SUSD5: variants seen among roughly 807,000 people sequenced by gnomAD.
The protein encoded by SUSD5 is sushi domain containing 5.
A neutral mutation model predicts 29.5 loss-of-function variants in SUSD5; 33 were observed. That is an observed-to-expected ratio of 1.12 (90% confidence interval 0.85 to 1.49). The LOEUF (loss-of-function observed/expected upper bound fraction) is 1.49, where lower values mean the gene tolerates loss of function less well. SUSD5 is among the 40% of genes most tolerant of loss of function. The pLI is 0.00. For synonymous variants in SUSD5, 308 were observed against 325.3 expected (o/e 0.95, Z 0.57); for missense variants, 776 against 800.6 (o/e 0.97, Z 0.37).
intron 4 of SUSD5, among the ~76,000 whole-genome samples, chr3:33,171,062 C>A (rs1261916259): frequency 2.0e-5 from 3 of 152,200 alleles, no homozygotes; most frequent in Non-Finnish European, 4.4e-5. Context: ...GTACTATGGG[C>A]CGGGTGCAGT....
In SUSD5 at chr3:33,167,212, A is replaced by AT. The variant is rs1447369847; in HGVS notation, c.598+7673_598+7674insA. 6.6e-6 allele frequency among the ~76,000 whole-genome samples: 1 copy of AT among 151,166 alleles called. No homozygotes were observed. The highest frequency in any genetic ancestry group is 1.5e-5 in the Non-Finnish European group (1 of 67,870). On this transcript the variant is annotated intron_variant, in intron 4 of 4. Transcript: ENST00000309558. The surrounding 1 kb of genome is among the most constrained non-coding windows in gnomAD (Gnocchi z 4.1). The stretch of plus-strand genomic sequence containing the variant: ...TATATATATATATAAATATATATAT[A>AT]AAACATAAAGTCAAAAGGCACCTGG...
chr3:33,198,457 G>A (rs2032038677), intron 3 of SUSD5, among the ~76,000 whole-genome samples: 1 of 152,160 alleles, frequency 6.6e-6, no homozygotes, highest in South Asian at 2.1e-4. Flanking sequence ...TAAACATGGG[G>A]CCTGGTGGAC....
chr3:33,160,410 T>A (rs942418534), intron 4 of SUSD5, among the ~76,000 whole-genome samples: 22 of 142,654 alleles, frequency 1.5e-4, no homozygotes, highest in Admixed American at 9.8e-4. Flanking sequence ...AAAAAAAAAA[T>A]TGGGTGTGGT....
rs544200910 is a variant in SUSD5, at chr3:33,167,366, T to A, written c.598+7520A>T. On this transcript the variant is annotated intron_variant, in intron 4 of 4. Coordinates refer to ENST00000309558, the MANE Select transcript of SUSD5 (RefSeq NM_015551.2). The surrounding 1 kb of genome is among the most constrained non-coding windows in gnomAD (Gnocchi z 4.1). ...GCTCACCCTGGCTGTGGCCTTGACC[T>A]GGACACTTACAGTCTGAACTATGTG... Among the ~76,000 whole-genome samples the A allele has an allele frequency of 5.9e-5, 9 of 152,242 alleles. No individual in the cohort carries two copies. Among genetic ancestry groups the A allele is most frequent in the African/African-American group, 2.2e-4 (9 of 41,554 alleles).
At chr3:33,168,736 G>A (rs998046815) in intron 4 of SUSD5, 1 of 252,978 alleles carries the variant, frequency 4.0e-6, no homozygotes, top group Non-Finnish European at 6.2e-6. Flanking sequence ...TGTATCCTCC[G>A]CCTCCTGGGT....
chr3:33,211,643 TA>T (rs1340260814), intron 2 of SUSD5, among the ~76,000 whole-genome samples: 10 of 152,206 alleles, frequency 6.6e-5, no homozygotes, highest in Admixed American at 4.6e-4. Context: ...CCAGACATCT[TA>T]GGATCATCAT....
intron 2 of SUSD5, among the ~76,000 whole-genome samples, chr3:33,211,145 TG>T (rs2032314905): frequency 6.6e-6 from 1 of 152,204 alleles, no homozygotes; most frequent in South Asian, 2.1e-4. Context: ...CTGCCCGCCG[TG>T]GCCTCCCAAA....
At position 33,215,485 on chromosome 3, in the gene SUSD5, G is replaced by A. The variant is rs560841446; in HGVS notation, c.113-1380C>T. Among the ~76,000 whole-genome samples, 7 of 152,254 alleles carry A rather than the reference G, an allele frequency of 4.6e-5. No homozygotes were observed. The South Asian group carries it at 1.2e-3, about 27-fold the overall frequency. The stretch of plus-strand genomic sequence containing the variant: ...ATTTTATATATGAAACACTTATATA[G>A]TGTTTACTATGGACTAGATGTTGTT... On this transcript the variant is annotated intron_variant, in intron 1 of 4. Coordinates refer to ENST00000309558, the MANE Select transcript of SUSD5 (RefSeq NM_015551.2).
chr3:33,161,516 AC>A (rs1029470070), intron 4 of SUSD5, among the ~76,000 whole-genome samples: 37 of 152,308 alleles, frequency 2.4e-4, no homozygotes, highest in Middle Eastern at 6.8e-3. Context: ...TAATTTTAAA[AC>A]CAAATCTACC....
chr3:33,197,011 G>A (rs1288149740), intron 3 of SUSD5, among the ~76,000 whole-genome samples: 1 of 152,174 alleles, frequency 6.6e-6, no homozygotes, highest in Non-Finnish European at 1.5e-5. Context: ...GTGCTGTTGT[G>A]AGGATTAAAT....
chr3:33,152,889 G>A lies in SUSD5; in HGVS notation c.1743C>T (p.Thr581=), dbSNP rs112313653. 1.7e-4 allele frequency: 279 copies of A among 1,613,850 alleles called. No homozygotes were observed. The highest frequency in any genetic ancestry group is 9.1e-5 in the Non-Finnish European group (107 of 1,179,886). ...CCAGGAGCAGCAGTAGGCACAGGAC[G>A]GTGACAATGGTGGCGATCACAGGGC... is the stretch of plus-strand genomic sequence containing the variant. ...SRGPVIATIV[T]VLCLLLLLAG... The change falls in exon 5 of 5, where the codon ACC becomes ACT. Residue 581 remains threonine, a synonymous_variant. Coordinates refer to ENST00000309558, the MANE Select transcript of SUSD5 (RefSeq NM_015551.2).
intron 3 of SUSD5, among the ~76,000 whole-genome samples, chr3:33,192,423 T>C (rs1324071680): frequency 6.6e-6 from 1 of 151,570 alleles, no homozygotes; most frequent in Non-Finnish European, 1.5e-5. Flanking sequence ...GGCAAGAGAG[T>C]TGAATATTTA....
At position 33,218,584 on chromosome 3, in the gene SUSD5, C is replaced by T. The variant is rs537014283; in HGVS notation, c.112+102G>A. ...TTCGTTCCTCTCAGGCTTGCGCTTG[C>T]CGCTTGCCGGGCCGGTCAGAGGGAG... On this transcript the variant is annotated intron_variant, in intron 1 of 4. Coordinates refer to ENST00000309558, the MANE Select transcript of SUSD5 (RefSeq NM_015551.2). 49 of 1,075,044 alleles carry T rather than the reference C, an allele frequency of 4.6e-5. No individual in the cohort carries two copies. The East Asian group carries it at 1.4e-3, about 31-fold the overall frequency. The allele number at this position is 1,075,044 out of a possible 1,614,324, so 66.6% of individuals were successfully genotyped here. A position where few individuals can be genotyped will look rare whatever the true frequency, so the allele number is the denominator to read the frequency against.
At chr3:33,200,234 C>T (rs995965930) in intron 3 of SUSD5, among the ~76,000 whole-genome samples, 5 of 152,128 alleles carry the variant, frequency 3.3e-5, no homozygotes, top group African/African-American at 7.2e-5. Flanking sequence ...TCACAGACAC[C>T]GAACCTGCCA....
At chr3:33,206,412 A>AGAGTGTGT (rs1415090548) in intron 3 of SUSD5, among the ~76,000 whole-genome samples, 2 of 148,566 alleles carry the variant, frequency 1.3e-5, no homozygotes, top group Non-Finnish European at 3.0e-5. Flanking sequence ...AATTTACTTG[A>AGAGTGTGT]GTGTGTGTGT....
intron 3 of SUSD5, among the ~76,000 whole-genome samples, chr3:33,206,976 A>G (rs921827806): frequency 6.6e-6 from 1 of 151,936 alleles, no homozygotes; most frequent in African/African-American, 2.4e-5. Context: ...TCTATGACTG[A>G]TTAGTAAGAA....
chr3:33,189,080 A>T (rs182353665), intron 3 of SUSD5, among the ~76,000 whole-genome samples: 1 of 152,338 alleles, frequency 6.6e-6, no homozygotes, highest in Non-Finnish European at 1.5e-5. Context: ...TTCATATGCA[A>T]ATAAACCCTG....
intron 4 of SUSD5, among the ~76,000 whole-genome samples, chr3:33,163,850 A>G (rs2031244847): frequency 6.6e-6 from 1 of 152,208 alleles, no homozygotes; most frequent in Non-Finnish European, 1.5e-5. Context: ...AATACAAAAA[A>G]TTAGCCGGGC....
chr3:33,192,385 G>A (rs963077731), intron 3 of SUSD5, among the ~76,000 whole-genome samples: 6 of 150,618 alleles, frequency 4.0e-5, no homozygotes, highest in East Asian at 4.0e-4. Flanking sequence ...GAGCCACCCC[G>A]CCCGGCCTAA....
Sources: allele counts gnomAD v4.1 joint callset (sites outside exome capture counted in the v4.1 genomes callset), GRCh38; gene constraint gnomAD v4.1.1; non-coding constraint Gnocchi (gnomAD v3.1); transcripts MANE v1.5; gene names NCBI Gene and HGNC (gene_info 2026-07-23, HGNC 2026-07-21).